EYS: variants seen among roughly 807,000 people sequenced by gnomAD.
EYS encodes protein eyes shut homolog.
In EYS, 250 loss-of-function variants were observed where a neutral mutation model predicts 282.1. The observed-to-expected ratio is 0.89, with a 90% CI of 0.80 to 0.98. The LOEUF is 0.98. Among genes scored for constraint, EYS ranks in the 50% least tolerant of loss-of-function variants. The pLI is 0.00. For missense variants in EYS, 4,016 were observed against 3,709.0 expected (o/e 1.08, Z -2.15); for synonymous variants, 1,355 against 1,282.9 (o/e 1.06, Z -1.20).
rs1767931596 is a variant in EYS at position 63,998,419 on chromosome 6, C to A, written c.6834+656G>T. ...AAATTTCCAATTCATTAAGGCAGTG[C>A]ATAGTGGCTGCTTTAATGTCTACTA... On this transcript the variant is annotated intron_variant, in intron 34 of 42. Coordinates refer to ENST00000503581, the MANE Select transcript of EYS (RefSeq NM_001142800.2). 3.3e-5 allele frequency among the ~76,000 whole-genome samples: 5 copies of A among 152,256 alleles called. No individual in the cohort carries two copies. In the South Asian group the frequency reaches 1.0e-3, roughly 32 times the overall value.
At chr6:65,002,156 C>G (rs896348830) in intron 13 of EYS, among the ~76,000 whole-genome samples, 2 of 147,016 alleles carry the variant, frequency 1.4e-5, no homozygotes, top group African/African-American at 4.9e-5. Flanking sequence ...CAAAAAATCT[C>G]TAACTTCTCT....
chr6:64,377,418 G>A (rs1162443692), intron 29 of EYS, among the ~76,000 whole-genome samples: 4 of 152,140 alleles, frequency 2.6e-5, no homozygotes, highest in Non-Finnish European at 5.9e-5. Flanking sequence ...TTGTAGTGAG[G>A]CAGTATAGCG....
chr6:65,150,063 C>T (rs951851492), intron 12 of EYS, among the ~76,000 whole-genome samples: 1 of 151,956 alleles, frequency 6.6e-6, no homozygotes, highest in Non-Finnish European at 1.5e-5. Flanking sequence ...GGGGAACCGC[C>T]ACCATGATCC....
chr6:65,701,872 GA>G (rs1769692150), intron 1 of EYS, among the ~76,000 whole-genome samples: 1 of 152,150 alleles, frequency 6.6e-6, no homozygotes, highest in East Asian at 1.9e-4. Context: ...TCACAGTTTA[GA>G]AATATTTCAT....
At chr6:64,995,586 TC>T (rs1351709126) in intron 14 of EYS, among the ~76,000 whole-genome samples, 1 of 152,156 alleles carries the variant, frequency 6.6e-6, no homozygotes, top group Admixed American at 6.6e-5. Flanking sequence ...ACATTTCTGT[TC>T]TTGAAGTTGA....
chr6:64,217,875 A>G (rs1269281709), intron 31 of EYS, among the ~76,000 whole-genome samples: 1 of 152,118 alleles, frequency 6.6e-6, no homozygotes, highest in African/African-American at 2.4e-5. Context: ...TCCTACCCCC[A>G]CCACAAACCA....
At chr6:65,392,679 A>C (rs1310466552) in intron 7 of EYS, among the ~76,000 whole-genome samples, 185 of 152,026 alleles carry the variant, frequency 1.2e-3, no homozygotes, top group Non-Finnish European at 2.2e-3. Flanking sequence ...ACAACAGGTA[A>C]TGGAGAGGAT....
chr6:63,756,780 T>G (rs527658237), intron 41 of EYS, among the ~76,000 whole-genome samples: 1 of 152,318 alleles, frequency 6.6e-6, no homozygotes, highest in East Asian at 1.9e-4. Context: ...TTTTTATAAT[T>G]TCTTGCACTT....
At chr6:64,933,913 G>A (rs572640282) in intron 15 of EYS, among the ~76,000 whole-genome samples, 40 of 152,066 alleles carry the variant, frequency 2.6e-4, no homozygotes, top group African/African-American at 8.7e-4. Context: ...GTTCTCACTC[G>A]TAAGTGGGAG....
chr6:64,302,806 C>T (rs903103659), intron 30 of EYS, among the ~76,000 whole-genome samples: 5 of 152,088 alleles, frequency 3.3e-5, no homozygotes, highest in Non-Finnish European at 7.4e-5. Context: ...TAAAACCTCT[C>T]AAGACATAAA....
chr6:63,866,518 C>T (rs953947508), intron 35 of EYS, among the ~76,000 whole-genome samples: 2 of 152,146 alleles, frequency 1.3e-5, no homozygotes, highest in Non-Finnish European at 1.5e-5. Context: ...ATTTGGCATG[C>T]AGGAAAGATG....
At chr6:64,043,998 C>T (rs1442438838) in intron 33 of EYS, among the ~76,000 whole-genome samples, 1 of 152,164 alleles carries the variant, frequency 6.6e-6, no homozygotes, top group Non-Finnish European at 1.5e-5. Flanking sequence ...ACCTTCCTTC[C>T]CCTGCAACTC....
intron 26 of EYS, among the ~76,000 whole-genome samples, chr6:64,484,408 T>C (rs1776523910): frequency 6.6e-6 from 1 of 151,326 alleles, no homozygotes; most frequent in Non-Finnish European, 1.5e-5. Context: ...ATGCTGCTCA[T>C]GCATGTCAGA....
At chr6:65,091,468 T>TAAAA (rs1198553937) in intron 12 of EYS, among the ~76,000 whole-genome samples, 1 of 150,584 alleles carries the variant, frequency 6.6e-6, no homozygotes, top group African/African-American at 2.4e-5. Context: ...AATAAATAAA[T>TAAAA]AAATAAATAA....
intron 13 of EYS, among the ~76,000 whole-genome samples, chr6:65,012,548 A>G (rs1771906745): frequency 6.6e-6 from 1 of 152,192 alleles, no homozygotes; most frequent in Non-Finnish European, 1.5e-5. Context: ...AAGGTATAAC[A>G]CAAAGACTTA....
intron 5 of EYS, among the ~76,000 whole-genome samples, chr6:65,407,903 T>TA (rs905818439): frequency 2.6e-5 from 4 of 152,138 alleles, no homozygotes; most frequent in African/African-American, 9.6e-5. Flanking sequence ...CTGACACCTT[T>TA]AATGTGGTGT....
chr6:65,626,388 A>G (rs1361340923), intron 2 of EYS, among the ~76,000 whole-genome samples: 1 of 152,100 alleles, frequency 6.6e-6, no homozygotes, highest in Non-Finnish European at 1.5e-5. Context: ...TGTTGTTGTT[A>G]TCTTCTATAT....
At chr6:63,895,062 C>T (rs1466957501) in intron 35 of EYS, among the ~76,000 whole-genome samples, 1 of 152,002 alleles carries the variant, frequency 6.6e-6, no homozygotes, top group East Asian at 1.9e-4. Context: ...CCCTGAGGCC[C>T]ACCGAGCCAT....
rs1768033559 is a variant in EYS at position 64,912,576 on chromosome 6, T to G, written c.2549A>C (p.Tyr850Ser). The G allele has an allele frequency of 6.4e-7, 1 of 1,551,142 alleles. No individual in the cohort carries two copies. The highest frequency in any genetic ancestry group is 8.7e-7 in the Non-Finnish European group (1 of 1,146,668). ...LYTGQFCHQR[Y>S]NLCDLLHNPC... is the part of the protein sequence containing the mutation. ...GTTATGAAGTAGGTCACAAAGGTTA[T>G]AGCGTTGGTGGCAAAATTGTCCAGT... is the stretch of plus-strand genomic sequence containing the variant. Residue 850 changes from tyrosine (Y) to serine (S), a missense_variant, in exon 16 of 43, where the codon TAT (tyrosine) becomes TCT (serine). Transcript: ENST00000503581.
Sources: allele counts gnomAD v4.1 joint callset (sites outside exome capture counted in the v4.1 genomes callset), GRCh38; gene constraint gnomAD v4.1.1; transcripts MANE v1.5; gene names NCBI Gene and HGNC (gene_info 2026-07-23, HGNC 2026-07-21).